MORN1: variants seen among roughly 807,000 people sequenced by gnomAD.
MORN1 encodes MORN repeat-containing protein 1.
A neutral mutation model predicts 61.9 loss-of-function variants in MORN1; 67 were observed. The observed-to-expected ratio is 1.08, with a 90% CI of 0.89 to 1.33. The LOEUF is 1.33. Ranked by LOEUF, MORN1 falls within the 40% of genes most tolerant of loss-of-function variation. MORN1 has a pLI of 0.00. For synonymous variants in MORN1, 301 were observed against 292.0 expected, an observed-to-expected ratio of 1.03 and a Z score of -0.31; for missense variants, 752 against 691.2, an observed-to-expected ratio of 1.09 and a Z score of -0.99.
Position 2,383,704 on chromosome 1 carries a change from C to T in MORN1, c.537+1274G>A, listed in dbSNP as rs563056307. On this transcript the variant is annotated intron_variant, in intron 6 of 13. Coordinates refer to ENST00000378531, the MANE Select transcript of MORN1 (RefSeq NM_024848.3). The stretch of plus-strand genomic sequence containing the variant: ...CACGCGTGGTTCCTATCTGTTAGTG[C>T]TGCTGGACGCTCAGGGGGCCCCTCA... 9.7e-5 allele frequency among the ~76,000 whole-genome samples: 14 copies of T among 144,854 alleles called. No homozygotes were observed. The South Asian group carries it at 2.0e-3, about 21-fold the overall frequency.
At chr1:2,323,068 TGC>T (rs1186846835) in intron 13 of MORN1, 2 of 985,266 alleles carry the variant, frequency 2.0e-6, no homozygotes, top group South Asian at 9.4e-5. Flanking sequence ...GCCGAGCGGC[TGC>T]GCACAGGTGC....
Position 2,391,439 on chromosome 1 carries a change from C to T in MORN1, c.76+19G>A. 2 of 1,257,038 alleles carry T rather than the reference C, an allele frequency of 1.6e-6. No individual in the cohort carries two copies. The highest frequency in any genetic ancestry group is 2.0e-6 in the Non-Finnish European group (2 of 993,186). 77.9% of individuals were successfully genotyped at this position (1,257,038 alleles called of 1,614,324 possible). A position where few individuals can be genotyped will look rare whatever the true frequency, so the allele number is the denominator to read the frequency against. On this transcript the variant is annotated intron_variant, in intron 1 of 13. Transcript: ENST00000378531. ...GCCCAGGGCAGCCAGCGACCTGTCC[C>T]GTGGCCCGCAGTCGTTACCGTTCCG...
rs558518059 is a variant in MORN1, at chr1:2,354,701, A to G, written c.1036+2731T>C. Among the ~76,000 whole-genome samples the G allele has an allele frequency of 9.9e-5, 15 of 152,196 alleles. No homozygotes were observed. In the South Asian group the frequency reaches 3.1e-3, roughly 32 times the overall value. Reference sequence around the variant, plus strand: ...GGCCTGGGTGGAGGCCAGCATGCGCACTCAGTCATCCGTCCTTGGGGTGGA... The same window carrying G: ...GGCCTGGGTGGAGGCCAGCATGCGCGCTCAGTCATCCGTCCTTGGGGTGGA... On this transcript the variant is annotated intron_variant, in intron 10 of 13. Transcript: ENST00000378531.
Position 2,321,311 on chromosome 1 carries a change from A to G in MORN1, c.*72T>C. ...ACCACGGGGCTCTGGAGAATCGGGGAGCAGAGTCACGCAAGCAGAGGCAGC... is the reference window on the plus strand; with the variant it reads ...ACCACGGGGCTCTGGAGAATCGGGGGGCAGAGTCACGCAAGCAGAGGCAGC... On this transcript the variant is annotated 3_prime_UTR_variant, in exon 14 of 14. Transcript: ENST00000378531. The G allele has an allele frequency of 8.8e-7, 1 of 1,137,352 alleles. No individual in the cohort carries two copies. Among genetic ancestry groups the G allele is most frequent in the Non-Finnish European group, 1.2e-6 (1 of 829,848 alleles). 70.5% of individuals were successfully genotyped at this position (1,137,352 alleles called of 1,614,324 possible).
intron 8 of MORN1, chr1:2,363,240 T>TA (rs1417437510): frequency 6.6e-6 from 1 of 152,170 alleles, no homozygotes; most frequent in Non-Finnish European, 1.5e-5. Context: ...AGTAGTATAT[T>TA]ACATCTCTTG....
intron 10 of MORN1, among the ~76,000 whole-genome samples, chr1:2,353,789 CAT>C (rs1206304502): frequency 2.6e-5 from 4 of 152,208 alleles, no homozygotes; most frequent in African/African-American, 7.2e-5. Context: ...AGGGAGGCCA[CAT>C]GTCCCCACCA....
At chr1:2,341,772 G>C (rs987257174) in intron 10 of MORN1, among the ~76,000 whole-genome samples, 1 of 152,140 alleles carries the variant, frequency 6.6e-6, no homozygotes, top group East Asian at 1.9e-4. Flanking sequence ...ACTCAGAAAA[G>C]CCGAGGTGCA....
intron 12 of MORN1, among the ~76,000 whole-genome samples, chr1:2,327,333 AACAC>A (rs539393058): frequency 2.0e-5 from 3 of 150,154 alleles, no homozygotes; most frequent in African/African-American, 4.9e-5. Flanking sequence ...AACACACAGA[AACAC>A]ACAGACAGAA....
At chr1:2,375,126 C>G (rs1322302901) in intron 6 of MORN1, 1 of 152,210 alleles carries the variant, frequency 6.6e-6, no homozygotes, top group Admixed American at 6.5e-5. Flanking sequence ...TACAACAAAG[C>G]CTGGGAAAAT....
rs1240893686 is a variant in MORN1 at position 2,334,310 on chromosome 1, G to GGA, written c.1250+2157_1250+2158dup. ...ACTGGTGGTGGGGGTCAGGCTCCATGGAGGACGAGAGGCACAGGCCCAGGT... is the reference window on the plus strand; with the variant it reads ...ACTGGTGGTGGGGGTCAGGCTCCATGGAGAGGACGAGAGGCACAGGCCCAGGT... On this transcript the variant is annotated intron_variant, in intron 12 of 13. Coordinates refer to ENST00000378531, the MANE Select transcript of MORN1 (RefSeq NM_024848.3). This position sits in a 1 kb window ranked among gnomAD's most constrained non-coding sequence, Gnocchi z 5.4. Among the ~76,000 whole-genome samples, 3 of 152,186 alleles carry GGA rather than the reference G, an allele frequency of 2.0e-5. No individual in the cohort carries two copies. The highest frequency in any genetic ancestry group is 4.4e-5 in the Non-Finnish European group (3 of 68,016).
At chr1:2,359,378 C>A (rs1641844745) in intron 8 of MORN1, among the ~76,000 whole-genome samples, 1 of 152,198 alleles carries the variant, frequency 6.6e-6, no homozygotes, top group South Asian at 2.1e-4. Context: ...CTGCAGGTGG[C>A]CCCCAGAGGA....
At chr1:2,370,678 T>C (rs1287142353) in intron 8 of MORN1, among the ~76,000 whole-genome samples, 3 of 148,058 alleles carry the variant, frequency 2.0e-5, no homozygotes, top group South Asian at 2.1e-4. Context: ...TTTCTTCTTT[T>C]TTTTTTTTTT....
At chr1:2,367,657 GA>G (rs1642026404) in intron 8 of MORN1, among the ~76,000 whole-genome samples, 1 of 150,896 alleles carries the variant, frequency 6.6e-6, no homozygotes, top group Non-Finnish European at 1.5e-5. Flanking sequence ...ATTTTTTTTT[GA>G]GATGGAGTCT....
At chr1:2,385,663 G>T (rs1009632838) in intron 5 of MORN1, 144 bp downstream of exon 5, 19 of 680,228 alleles carry the variant, frequency 2.8e-5, no homozygotes, top group Non-Finnish European at 2.3e-5. Flanking sequence ...CTTGGCACTG[G>T]GGGGGTGGCG....
In MORN1 at chr1:2,357,661, C is replaced by T; in HGVS notation, c.870-63G>A. ...CACACCAAACTAGGGTGCAGGCAGA[C>T]AGCGTGGCCCACGCCCTGGACCCTG... On this transcript the variant is annotated intron_variant, in intron 9 of 13. Transcript: ENST00000378531. This position sits in a 1 kb window ranked among gnomAD's most constrained non-coding sequence, Gnocchi z 6.3. The T allele has an allele frequency of 1.3e-6, 2 of 1,516,348 alleles. No homozygotes were observed. The highest frequency in any genetic ancestry group is 1.8e-6 in the Non-Finnish European group (2 of 1,128,222). 93.9% of individuals were successfully genotyped at this position (1,516,348 alleles called of 1,614,324 possible). A position where few individuals can be genotyped will look rare whatever the true frequency, so the allele number is the denominator to read the frequency against.
chr1:2,332,377 C>A, intron 12 of MORN1: 1 of 345,746 alleles, frequency 2.9e-6, no homozygotes, highest in South Asian at 2.2e-5. Context: ...CTGTTGCTCA[C>A]GGACTCCAGC....
intron 8 of MORN1, among the ~76,000 whole-genome samples, chr1:2,367,294 TCA>T (rs2100326514): frequency 7.3e-6 from 1 of 137,170 alleles, no homozygotes; most frequent in South Asian, 2.4e-4. Flanking sequence ...ACAAGATAAT[TCA>T]TTGCTCTATC....
chr1:2,351,890 A>G (rs919222363), intron 10 of MORN1: 3 of 498,652 alleles, frequency 6.0e-6, no homozygotes, highest in Non-Finnish European at 1.2e-5. Flanking sequence ...CAATGTCCAC[A>G]GTTAAACTTG....
chr1:2,321,333 C>T lies in MORN1; in HGVS notation c.*50G>A. ...GGGAGCAGAGTCACGCAAGCAGAGG[C>T]AGCGTTTCCTTCCATTCACACCGAG... On this transcript the variant is annotated 3_prime_UTR_variant, in exon 14 of 14. Coordinates refer to ENST00000378531, the MANE Select transcript of MORN1 (RefSeq NM_024848.3). The T allele has an allele frequency of 7.7e-7, 1 of 1,296,036 alleles. No individual in the cohort carries two copies. Among genetic ancestry groups the T allele is most frequent in the Non-Finnish European group, 1.0e-6 (1 of 965,218 alleles). The allele number at this position is 1,296,036 out of a possible 1,614,324, so 80.3% of individuals were successfully genotyped here.
Sources: allele counts gnomAD v4.1 joint callset (sites outside exome capture counted in the v4.1 genomes callset), GRCh38; gene constraint gnomAD v4.1.1; non-coding constraint Gnocchi (gnomAD v3.1); transcripts MANE v1.5; gene names NCBI Gene and HGNC (gene_info 2026-07-23, HGNC 2026-07-21).